NTRK1: variants seen among roughly 807,000 people sequenced by gnomAD.
NTRK1 encodes high affinity nerve growth factor receptor.
Under a neutral mutation model 86.8 loss-of-function variants are expected in NTRK1, and 62 were observed. The ratio of observed to expected loss-of-function variants is 0.71; its 90% CI spans 0.58 to 0.88. The LOEUF is 0.88. NTRK1 is among the 40% of genes least tolerant of loss of function. The probability of loss-of-function intolerance (pLI) is 0.00; values close to 1 mark genes in which losing one functional copy is unlikely to be tolerated. For synonymous variants in NTRK1, 469 were observed against 456.6 expected, an observed-to-expected ratio of 1.03 and a Z score of -0.35; for missense variants, 967 against 1,078.4, an observed-to-expected ratio of 0.90 and a Z score of 1.45.
At chr1:156,816,190 G>T in intron 1 of NTRK1, 9 of 1,487,658 alleles carry the variant, frequency 6.0e-6, no homozygotes, top group Non-Finnish European at 8.0e-6. Flanking sequence ...GATCTGGAGG[G>T]CTGGGACAGT....
chr1:156,876,007 C>T (rs2102916716), intron 12 of NTRK1, 73 bp from the exon 13 acceptor site: 2 of 1,610,756 alleles, frequency 1.2e-6, no homozygotes, highest in Non-Finnish European at 1.7e-6. Context: ...CACAGCCCTG[C>T]CAAGACAGTC....
chr1:156,837,330 C>T (rs1468288799), intron 1 of NTRK1: 1 of 152,596 alleles, frequency 6.6e-6, no homozygotes, highest in Non-Finnish European at 1.5e-5. Flanking sequence ...AAACCCATCC[C>T]CAGCTCCGCC....
Position 156,874,417 on chromosome 1 carries a change from G to T in NTRK1, c.1195+17G>T. ...CGCCGGTGGGTGAGTAGCCCAAGGT[G>T]GAGGGCAGGTTCTGCCTGGTCTCTG... On this transcript the variant is annotated intron_variant, in intron 9 of 16. Coordinates refer to ENST00000524377, the MANE Select transcript of NTRK1 (RefSeq NM_002529.4). The T allele has an allele frequency of 6.2e-7, 1 of 1,614,110 alleles. No individual in the cohort carries two copies. The highest frequency in any genetic ancestry group is 1.3e-5 in the African/African-American group (1 of 75,022).
At position 156,850,534 on chromosome 1, in the gene NTRK1, C is replaced by CTTTTT. The variant is rs35237064; in HGVS notation, c.50+8368_50+8372dup. Among the ~76,000 whole-genome samples the CTTTTT allele has an allele frequency of 6.7e-3, 396 of 58,692 alleles. 12 individuals are homozygous for CTTTTT. Among genetic ancestry groups the CTTTTT allele is most frequent in the Non-Finnish European group, 0.01 (290 of 28,216 alleles). 38.5% of individuals were successfully genotyped at this position (58,692 alleles called of 152,430 possible). A position where few individuals can be genotyped will look rare whatever the true frequency, so the allele number is the denominator to read the frequency against. On this transcript the variant is annotated intron_variant, in intron 2 of 16. Coordinates refer to the NTRK1 transcript ENST00000392302. Reference sequence around the variant, plus strand: ...GACCTGGATGGTAATTTAAAACATTCTTTTTTTTTTTTTTTTTTTTTTTTT... The same window carrying CTTTTT: ...GACCTGGATGGTAATTTAAAACATTCTTTTTTTTTTTTTTTTTTTTTTTTTTTTTT...
intron 11 of NTRK1, 29 bp downstream of exon 11, chr1:156,875,037 T>C (rs2102912647): frequency 6.7e-7 from 1 of 1,487,288 alleles, no homozygotes; most frequent in Non-Finnish European, 9.4e-7. Context: ...GGGCTGTCTG[T>C]CTGTCTGTTC....
intron 2 of NTRK1, chr1:156,843,497 G>T (rs1188069805): frequency 6.2e-7 from 1 of 1,614,044 alleles, no homozygotes; most frequent in Non-Finnish European, 8.5e-7. Context: ...GGGAGGTGAG[G>T]GGGTCAGGCT....
chr1:156,845,788 C>T (rs759296297), intron 2 of NTRK1: 2 of 1,612,942 alleles, frequency 1.2e-6, no homozygotes, highest in Non-Finnish European at 1.7e-6. Context: ...AAGCGCGGAT[C>T]GTTGTTGCTG....
intron 6 of NTRK1, among the ~76,000 whole-genome samples, chr1:156,869,164 C>G (rs530099774): frequency 6.6e-6 from 1 of 151,922 alleles, no homozygotes. Context: ...CTCCGCCTCT[C>G]GGGTTCAAGC....
intron 14 of NTRK1, among the ~76,000 whole-genome samples, chr1:156,876,813 G>A (rs901171000): frequency 6.6e-6 from 1 of 152,070 alleles, no homozygotes; most frequent in Non-Finnish European, 1.5e-5. Flanking sequence ...CAAAGGCCGT[G>A]AGCTAAAACT....
Position 156,866,150 on chromosome 1 carries a change from G to A in NTRK1, c.360-760G>A, listed in dbSNP as rs369700381. On this transcript the variant is annotated intron_variant, in intron 3 of 16. Transcript: ENST00000524377. ...TGGCTCTAGAGTGGGTTGTGTCTTT[G>A]GTCCCTATGTGGTGGTACTTCTCCC... Among the ~76,000 whole-genome samples, 870 of 152,274 alleles carry A rather than the reference G, an allele frequency of 5.7e-3. 8 individuals carry two copies. Among genetic ancestry groups the A allele is most frequent in the African/African-American group, 0.02 (845 of 41,548 alleles).
intron 3 of NTRK1, among the ~76,000 whole-genome samples, chr1:156,866,426 C>T (rs1020431920): frequency 2.6e-5 from 4 of 152,082 alleles, no homozygotes; most frequent in Non-Finnish European, 2.9e-5. Flanking sequence ...GAGGAGGGCC[C>T]GGAAGGAGGA....
chr1:156,875,431 A>G (rs2102914647), intron 11 of NTRK1, 89 bp from the exon 12 acceptor site: 1 of 1,547,922 alleles, frequency 6.5e-7, no homozygotes, highest in Non-Finnish European at 8.9e-7. Context: ...GCAAGTTACA[A>G]GGTGGGGGTG....
intron 1 of NTRK1, among the ~76,000 whole-genome samples, chr1:156,819,810 T>C (rs1349451765): frequency 6.6e-6 from 1 of 152,182 alleles, no homozygotes; most frequent in East Asian, 1.9e-4. Flanking sequence ...TGAGCCATCA[T>C]GCCTGGCCTA....
chr1:156,875,925 G>C (rs1298974000), intron 12 of NTRK1, 155 bp from the exon 13 acceptor site: 2 of 1,240,596 alleles, frequency 1.6e-6, no homozygotes, highest in Non-Finnish European at 2.3e-6. Flanking sequence ...CTATGACATG[G>C]GGCTTGCTGA....
chr1:156,862,669 C>G (rs941952562), intron 1 of NTRK1, among the ~76,000 whole-genome samples: 1 of 152,100 alleles, frequency 6.6e-6, no homozygotes, highest in South Asian at 2.1e-4. Context: ...CTCGAATAGA[C>G]AGATTGATTA....
chr1:156,830,445 C>T (rs1654437909), intron 1 of NTRK1, among the ~76,000 whole-genome samples: 1 of 152,178 alleles, frequency 6.6e-6, no homozygotes, highest in African/African-American at 2.4e-5. Flanking sequence ...CTCCTCCACC[C>T]TTGTGCCCAG....
chr1:156,851,320 T>C (rs766315842), intron 2 of NTRK1: 9 of 1,614,142 alleles, frequency 5.6e-6, no homozygotes, highest in South Asian at 1.1e-5. Flanking sequence ...CCGGATTAGT[T>C]TGAGGTTCTT....
rs984262583 is a variant in NTRK1, at chr1:156,854,750, T to C, written c.51-9604T>C. ...GCTTCCACCATCATCTTCCCCTGGA[T>C]TGACAGTCATAGCCTCCCAAACTGT... is the stretch of plus-strand genomic sequence containing the variant. On this transcript the variant is annotated intron_variant, in intron 2 of 16. Coordinates refer to the NTRK1 transcript ENST00000392302. This position sits in a 1 kb window ranked among gnomAD's most constrained non-coding sequence, Gnocchi z 4.2. Among the ~76,000 whole-genome samples the C allele has an allele frequency of 1.3e-5, 2 of 152,154 alleles. No individual in the cohort carries two copies. Among genetic ancestry groups the C allele is most frequent in the Non-Finnish European group, 2.9e-5 (2 of 68,034 alleles).
At position 156,873,960 on chromosome 1, in the gene NTRK1, G is replaced by A. The variant is rs751863712; in HGVS notation, c.1177+1G>A. 6.4e-7 allele frequency: 1 copy of A among 1,552,212 alleles called. No individual in the cohort carries two copies. The highest frequency in any genetic ancestry group is 1.2e-5 in the South Asian group (1 of 84,108). On this transcript the variant is annotated splice_donor_variant, in intron 8 of 16. Coordinates refer to ENST00000524377, the MANE Select transcript of NTRK1 (RefSeq NM_002529.4). LOFTEE classifies it high-confidence loss of function. Reference sequence around the variant, plus strand: ...TTCAACCCCGAGGACCCCATCCCTGGTGCGAGGGCCATCCTGAACCCTGCC... The same window carrying A: ...TTCAACCCCGAGGACCCCATCCCTGATGCGAGGGCCATCCTGAACCCTGCC...
Sources: gnomAD v4.1 joint callset for allele counts (sites outside exome capture counted in the v4.1 genomes callset) on GRCh38, gnomAD v4.1.1 for gene constraint, Gnocchi (gnomAD v3.1) non-coding constraint, MANE v1.5 for transcripts, NCBI Gene and HGNC (gene_info 2026-07-23, HGNC 2026-07-21) for gene names.